Variants in SH3BGRL2 observed in about 807,000 individuals in gnomAD.
SH3BGRL2 encodes SH3 domain-binding glutamic acid-rich-like protein 2.
A neutral mutation model predicts 14.8 loss-of-function variants in SH3BGRL2; 21 were observed. The observed-to-expected ratio is 1.42, with a 90% CI of 1.01 to 2.05. The LOEUF is 2.05. SH3BGRL2 is among the 30% of genes most tolerant of loss of function. SH3BGRL2 has a pLI of 0.00. For missense variants in SH3BGRL2, 147 were observed against 130.8 expected, an observed-to-expected ratio of 1.12 and a Z score of -0.61; for synonymous variants, 50 against 47.8, an observed-to-expected ratio of 1.05 and a Z score of -0.19.
At chr6:79,611,278 T>C in the SH3BGRL2 span, among the ~76,000 whole-genome samples, 2 of 152,168 alleles carry the variant, frequency 1.3e-5, no homozygotes, top group African/African-American at 4.8e-5. Flanking sequence ...GCAATATTCC[T>C]GACACAAAGA....
chr6:79,585,103 A>G, the SH3BGRL2 span, among the ~76,000 whole-genome samples: 27,733 of 151,682 alleles, frequency 0.18, 2,639 homozygotes, highest in South Asian at 0.22. Flanking sequence ...AACACATTAT[A>G]TAAAGGGCCA....
At chr6:79,660,718 C>T (rs1400216224) in intron 1 of SH3BGRL2, among the ~76,000 whole-genome samples, 2 of 152,116 alleles carry the variant, frequency 1.3e-5, no homozygotes, top group African/African-American at 4.8e-5. Flanking sequence ...GGAATGGTAC[C>T]AGCTCCTCTT....
chr6:79,694,907 T>C (rs1770301129), intron 2 of SH3BGRL2, among the ~76,000 whole-genome samples: 1 of 152,204 alleles, frequency 6.6e-6, no homozygotes, highest in Non-Finnish European at 1.5e-5. Context: ...GCTGCCCTTT[T>C]TTTGAGCCAT....
intron 1 of SH3BGRL2, among the ~76,000 whole-genome samples, chr6:79,640,796 T>C (rs1769016163): frequency 6.6e-6 from 1 of 152,210 alleles, no homozygotes; most frequent in Non-Finnish European, 1.5e-5. Context: ...AGGATGTGTT[T>C]GCCATTTCCT....
At chr6:79,699,331 T>TGCTGAA (rs1770401005) in intron 3 of SH3BGRL2, among the ~76,000 whole-genome samples, 167 bp from the exon 4 acceptor site, 1 of 152,102 alleles carries the variant, frequency 6.6e-6, no homozygotes, top group South Asian at 2.1e-4. Flanking sequence ...TGGGCTCTGA[T>TGCTGAA]GCTGAAACCC....
rs554576604 is a variant in SH3BGRL2 at position 79,694,923 on chromosome 6, G to A, written c.232-1562G>A. On this transcript the variant is annotated intron_variant, in intron 2 of 3. Coordinates refer to ENST00000369838, the MANE Select transcript of SH3BGRL2 (RefSeq NM_031469.4). ...CTGCCCTTTTTTTGAGCCATTCTCC[G>A]CACAGTTATTTAGGTATTTTCTTAA... is the stretch of plus-strand genomic sequence containing the variant. Among the ~76,000 whole-genome samples, 5 of 151,672 alleles carry A rather than the reference G, an allele frequency of 3.3e-5. No homozygotes were observed. In the East Asian group the frequency reaches 5.8e-4, roughly 18 times the overall value.
intron 2 of SH3BGRL2, among the ~76,000 whole-genome samples, chr6:79,685,236 A>G (rs1326039736): frequency 6.6e-6 from 1 of 152,198 alleles, no homozygotes; most frequent in Non-Finnish European, 1.5e-5. Context: ...CTCCAGTTGC[A>G]TGGCTAGCAG....
the SH3BGRL2 span, among the ~76,000 whole-genome samples, chr6:79,569,705 AG>A: frequency 6.6e-6 from 1 of 152,100 alleles, no homozygotes; most frequent in Non-Finnish European, 1.5e-5. Context: ...CCCTTGGGTC[AG>A]GGGGGTGCTT....
At chr6:79,617,657 T>A in the SH3BGRL2 span, among the ~76,000 whole-genome samples, 1 of 152,220 alleles carries the variant, frequency 6.6e-6, no homozygotes, top group Non-Finnish European at 1.5e-5. Flanking sequence ...TTTGGTAGAT[T>A]AAGCCATATT....
intron 2 of SH3BGRL2, among the ~76,000 whole-genome samples, chr6:79,690,573 TC>T (rs1253041680): frequency 6.6e-6 from 1 of 152,210 alleles, no homozygotes; most frequent in African/African-American, 2.4e-5. Context: ...CCAAGGGATT[TC>T]ACTAGTATTC....
intron 1 of SH3BGRL2, among the ~76,000 whole-genome samples, chr6:79,669,540 G>T (rs375265232): frequency 1.3e-4 from 20 of 149,934 alleles, no homozygotes; most frequent in African/African-American, 4.4e-4. Context: ...CTGCAACCAG[G>T]TTCAAGTGAT....
chr6:79,636,001 G>A (rs1421858346), intron 1 of SH3BGRL2, among the ~76,000 whole-genome samples: 1 of 152,190 alleles, frequency 6.6e-6, no homozygotes, highest in African/African-American at 2.4e-5. Context: ...ATCAGTTAAA[G>A]TCAGGATGTG....
intron 2 of SH3BGRL2, among the ~76,000 whole-genome samples, chr6:79,685,901 T>C (rs1384181173): frequency 6.6e-6 from 1 of 152,196 alleles, no homozygotes; most frequent in Non-Finnish European, 1.5e-5. Context: ...GAAATAACTT[T>C]TCCGTCTTGT....
intron 1 of SH3BGRL2, among the ~76,000 whole-genome samples, chr6:79,655,812 A>C (rs1419771090): frequency 1.3e-5 from 2 of 152,336 alleles, no homozygotes; most frequent in East Asian, 1.9e-4. Flanking sequence ...TATGAAATGC[A>C]GATTCTTGAG....
upstream of SH3BGRL2, among the ~76,000 whole-genome samples, chr6:79,629,415 G>C (rs902765867): frequency 2.0e-5 from 3 of 151,778 alleles, no homozygotes; most frequent in Non-Finnish European, 4.4e-5. Context: ...AGAGGGTTAG[G>C]CCCTGCTGTA....
the SH3BGRL2 span, among the ~76,000 whole-genome samples, chr6:79,590,446 T>C: frequency 1.5e-5 from 2 of 133,846 alleles, no homozygotes; most frequent in Non-Finnish European, 3.1e-5. Flanking sequence ...TATATATATA[T>C]ATATATATAT....
intron 1 of SH3BGRL2, among the ~76,000 whole-genome samples, chr6:79,634,499 G>C (rs868361000): frequency 6.6e-6 from 1 of 152,286 alleles, no homozygotes; most frequent in Middle Eastern, 3.4e-3. Flanking sequence ...GGAAGTCTTA[G>C]TAACTTTGTC....
At chr6:79,572,290 G>A in the SH3BGRL2 span, among the ~76,000 whole-genome samples, 2 of 152,040 alleles carry the variant, frequency 1.3e-5, no homozygotes, top group East Asian at 1.9e-4. Flanking sequence ...CTTCGTGCAC[G>A]TAATATGTAA....
At chr6:79,553,455 A>C in the SH3BGRL2 span, among the ~76,000 whole-genome samples, 1 of 152,204 alleles carries the variant, frequency 6.6e-6, no homozygotes, top group African/African-American at 2.4e-5. Flanking sequence ...CCAATTAAGA[A>C]ACACAAAACT....
Sources: gnomAD v4.1 joint callset for allele counts (sites outside exome capture counted in the v4.1 genomes callset) on GRCh38, gnomAD v4.1.1 for gene constraint, MANE v1.5 for transcripts, NCBI Gene and HGNC (gene_info 2026-07-23, HGNC 2026-07-21) for gene names.